The following ZSWIM6 variants were observed in gnomAD, a reference collection of about 807,000 sequenced individuals.
ZSWIM6 encodes the protein zinc finger SWIM domain-containing protein 6.
In ZSWIM6, 9 loss-of-function variants were observed where a neutral mutation model predicts 113.2. That is an observed-to-expected ratio of 0.08 (90% CI 0.05 to 0.14). ZSWIM6 has a LOEUF of 0.14. ZSWIM6 is among the 10% of genes least tolerant of loss of function. The pLI is 1.00. For synonymous variants in ZSWIM6, 611 were observed against 606.5 expected (o/e 1.01, Z -0.11); for missense variants, 1,162 against 1,552.2 (o/e 0.75, Z 4.22).
At chr5:61,386,695 G>A (rs1745597863) in intron 1 of ZSWIM6, among the ~76,000 whole-genome samples, 1 of 152,190 alleles carries the variant, frequency 6.6e-6, no homozygotes, top group Admixed American at 6.5e-5. Context: ...GGAAACTTGA[G>A]TGTTGCTAAT....
Position 61,539,578 on chromosome 5 carries a change from T to C in ZSWIM6, c.2540-18T>C. ...TGCTTTGATTTGGTTTGGTTTGGTT[T>C]TCCCTTGTTCATTGCAGGCGATGTT... On this transcript the variant is annotated intron_variant, in intron 11 of 13. Coordinates refer to ENST00000252744, the MANE Select transcript of ZSWIM6 (RefSeq NM_020928.2). 6.5e-7 allele frequency: 1 copy of C among 1,543,168 alleles called. No homozygotes were observed. The highest frequency in any genetic ancestry group is 8.8e-7 in the Non-Finnish European group (1 of 1,142,382).
chr5:61,508,996 G>T (rs1748704000), intron 4 of ZSWIM6, among the ~76,000 whole-genome samples: 1 of 152,128 alleles, frequency 6.6e-6, no homozygotes. Context: ...AAGAACAGTG[G>T]TTATAAGTCT....
chr5:61,518,230 A>G (rs935607465), intron 4 of ZSWIM6, among the ~76,000 whole-genome samples: 1 of 151,924 alleles, frequency 6.6e-6, no homozygotes, highest in African/African-American at 2.4e-5. Flanking sequence ...GCTATTGTGA[A>G]TAATGCCGCA....
At chr5:61,464,633 G>A (rs1401517918) in intron 1 of ZSWIM6, among the ~76,000 whole-genome samples, 2 of 152,032 alleles carry the variant, frequency 1.3e-5, no homozygotes, top group African/African-American at 4.8e-5. Context: ...CCAGAGTGTG[G>A]GTGGAAGAAT....
chr5:61,440,765 T>G (rs1247357191), intron 1 of ZSWIM6, among the ~76,000 whole-genome samples: 1 of 152,182 alleles, frequency 6.6e-6, no homozygotes, highest in African/African-American at 2.4e-5. Flanking sequence ...AATTTTCTGT[T>G]CTATTCAACC....
rs374010720 is a variant in ZSWIM6 at position 61,367,616 on chromosome 5, A to T, written c.676+34668A>T. On this transcript the variant is annotated intron_variant, in intron 1 of 13. Transcript: ENST00000252744. The stretch of plus-strand genomic sequence containing the variant: ...CTAGCTTTCTCAAGATTGCATCTAC[A>T]AGCACAGGAGCTAGGATTTGAACAC... Among the ~76,000 whole-genome samples, 9 of 152,312 alleles carry T rather than the reference A, an allele frequency of 5.9e-5. No homozygotes were observed. The East Asian group carries it at 1.5e-3, about 26-fold the overall frequency.
intron 12 of ZSWIM6, among the ~76,000 whole-genome samples, chr5:61,541,227 G>A (rs1749728084): frequency 6.6e-6 from 1 of 152,074 alleles, no homozygotes; most frequent in Non-Finnish European, 1.5e-5. Flanking sequence ...ACAGGCATGA[G>A]CCACCGCACC....
intron 1 of ZSWIM6, among the ~76,000 whole-genome samples, chr5:61,361,218 C>T (rs750436714): frequency 3.9e-5 from 6 of 152,058 alleles, no homozygotes; most frequent in African/African-American, 2.4e-5. Context: ...TTTTAATTAT[C>T]CTGTGTGAGA....
At position 61,450,372 on chromosome 5, in the gene ZSWIM6, A is replaced by G. The variant is rs370909643; in HGVS notation, c.677-22309A>G. On this transcript the variant is annotated intron_variant, in intron 1 of 13. Transcript: ENST00000252744. ...TTGTTAGTGACTCATCAGTCTTTCC[A>G]TTCTGCTGGGAAAGGGAAGGGCTGG... Among the ~76,000 whole-genome samples, 15 of 152,288 alleles carry G rather than the reference A, an allele frequency of 9.8e-5. No individual in the cohort carries two copies. The South Asian group carries it at 1.2e-3, about 13-fold the overall frequency.
chr5:61,526,811 G>A (rs1382763356), intron 7 of ZSWIM6, among the ~76,000 whole-genome samples: 2 of 152,178 alleles, frequency 1.3e-5, no homozygotes, highest in South Asian at 2.1e-4. Flanking sequence ...ATCAGTTGAC[G>A]TCTCTGTGAT....
chr5:61,411,194 T>G (rs1746143151), intron 1 of ZSWIM6, among the ~76,000 whole-genome samples: 1 of 152,208 alleles, frequency 6.6e-6, no homozygotes, highest in South Asian at 2.1e-4. Flanking sequence ...TTTGCCAAAT[T>G]AGTTATCAGT....
intron 1 of ZSWIM6, among the ~76,000 whole-genome samples, chr5:61,345,542 T>A (rs1479074083): frequency 6.6e-6 from 1 of 152,218 alleles, no homozygotes; most frequent in Non-Finnish European, 1.5e-5. Flanking sequence ...GTAAGAATAG[T>A]AATTGTATTC....
intron 1 of ZSWIM6, 48 bp downstream of exon 1, chr5:61,332,996 G>C: frequency 8.6e-7 from 1 of 1,159,520 alleles, no homozygotes; most frequent in Non-Finnish European, 1.1e-6. Context: ...GTCAGTCCCT[G>C]GGTGGGGGGG....
At chr5:61,414,300 A>G (rs1411821660) in intron 1 of ZSWIM6, among the ~76,000 whole-genome samples, 1 of 152,124 alleles carries the variant, frequency 6.6e-6, no homozygotes, top group Non-Finnish European at 1.5e-5. Flanking sequence ...GGATGGGGAA[A>G]AAAAAGAAGA....
chr5:61,540,935 T>TG (rs1335885191), intron 12 of ZSWIM6, among the ~76,000 whole-genome samples: 36 of 130,432 alleles, frequency 2.8e-4, no homozygotes, highest in African/African-American at 7.3e-4. Context: ...TTTTTTTTTT[T>TG]TTGTTGTTGT....
At chr5:61,332,998 G>T in intron 1 of ZSWIM6, 50 bp downstream of exon 1, 1 of 1,138,022 alleles carries the variant, frequency 8.8e-7, no homozygotes, top group Non-Finnish European at 1.1e-6. Flanking sequence ...CAGTCCCTGG[G>T]TGGGGGGGGG....
intron 4 of ZSWIM6, among the ~76,000 whole-genome samples, chr5:61,518,203 G>C (rs13159453): frequency 2.6e-5 from 4 of 151,964 alleles, no homozygotes; most frequent in South Asian, 2.1e-4. Flanking sequence ...GGACATTTGG[G>C]TTGGTTCCAA....
intron 1 of ZSWIM6, among the ~76,000 whole-genome samples, chr5:61,432,624 A>G (rs1349992605): frequency 6.6e-6 from 1 of 152,130 alleles, no homozygotes; most frequent in African/African-American, 2.4e-5. Context: ...CCCATGAACA[A>G]CTGTTCAAGC....
chr5:61,397,217 A>C (rs1745854632), intron 1 of ZSWIM6, among the ~76,000 whole-genome samples: 1 of 152,246 alleles, frequency 6.6e-6, no homozygotes, highest in South Asian at 2.1e-4. Context: ...CGCCAAAAAC[A>C]TTATCCCAGT....
Sources: gnomAD v4.1 joint callset for allele counts (sites outside exome capture counted in the v4.1 genomes callset) on GRCh38, gnomAD v4.1.1 for gene constraint, MANE v1.5 for transcripts, NCBI Gene and HGNC (gene_info 2026-07-23, HGNC 2026-07-21) for gene names.